The following MTDH variants were observed in gnomAD, a reference collection of about 807,000 sequenced individuals.
MTDH encodes metadherin, also known as protein LYRIC.
In MTDH, 34 loss-of-function variants were observed where a neutral mutation model predicts 72.7. The observed-to-expected ratio is 0.47, with a 90% CI of 0.36 to 0.62. The LOEUF (loss-of-function observed/expected upper bound fraction) is 0.62. Ranked by LOEUF, MTDH falls within the 20% of genes least tolerant of loss-of-function variation. The pLI is 0.00. For missense variants in MTDH, 677 were observed against 699.4 expected (o/e 0.97, Z 0.36); for synonymous variants, 266 against 268.9 (o/e 0.99, Z 0.10).
intron 6 of MTDH, among the ~76,000 whole-genome samples, chr8:97,692,078 G>C (rs972120646): frequency 1.1e-4 from 17 of 152,228 alleles, no homozygotes; most frequent in African/African-American, 4.1e-4. Flanking sequence ...ACGGGGTTTT[G>C]CCATGTTGGC....
At chr8:97,665,712 A>G (rs1812354062) in intron 2 of MTDH, among the ~76,000 whole-genome samples, 1 of 152,234 alleles carries the variant, frequency 6.6e-6, no homozygotes, top group African/African-American at 2.4e-5. Flanking sequence ...ACATATTCAG[A>G]CATAAGGGGA....
intron 2 of MTDH, among the ~76,000 whole-genome samples, chr8:97,667,156 C>A (rs960691618): frequency 1.3e-5 from 2 of 152,114 alleles, no homozygotes; most frequent in Non-Finnish European, 2.9e-5. Flanking sequence ...ATGTGCCCAG[C>A]TAATTTTTTG....
In MTDH at chr8:97,683,045, C is replaced by CTTT. The variant is rs71271144; in HGVS notation, c.484-3588_484-3586dup. ...CTTTACCCTATGATGCTCTTAGACA[C>CTTT]TTTTTTTTTTTTTTTTTTTTTTTTT... is the stretch of plus-strand genomic sequence containing the variant. On this transcript the variant is annotated intron_variant, in intron 2 of 11. Coordinates refer to ENST00000336273, the MANE Select transcript of MTDH (RefSeq NM_178812.4). Among the ~76,000 whole-genome samples the CTTT allele has an allele frequency of 7.7e-4, 34 of 44,386 alleles. 9 individuals carry two copies. Among genetic ancestry groups the CTTT allele is most frequent in the South Asian group, 3.1e-3 (3 of 982 alleles). 29.1% of individuals were successfully genotyped at this position (44,386 alleles called of 152,430 possible). A position where few individuals can be genotyped will look rare whatever the true frequency, so the allele number is the denominator to read the frequency against.
chr8:97,682,678 A>G (rs1813184589), intron 2 of MTDH, among the ~76,000 whole-genome samples: 1 of 152,016 alleles, frequency 6.6e-6, no homozygotes, highest in African/African-American at 2.4e-5. Context: ...TTTTCTACAG[A>G]TTTTTAGTTA....
intron 2 of MTDH, among the ~76,000 whole-genome samples, chr8:97,675,525 A>T (rs1316973575): frequency 7.0e-6 from 1 of 143,762 alleles, no homozygotes; most frequent in African/African-American, 2.6e-5. Flanking sequence ...GTGCCACTGC[A>T]CTCCAGCCTG....
chr8:97,676,828 C>A (rs1011472481), intron 2 of MTDH, among the ~76,000 whole-genome samples: 1 of 151,456 alleles, frequency 6.6e-6, no homozygotes, highest in Non-Finnish European at 1.5e-5. Context: ...ATGGTGAAAC[C>A]CCCTCTCTAC....
chr8:97,718,792 G>A (rs929868291), intron 9 of MTDH, among the ~76,000 whole-genome samples: 2 of 151,666 alleles, frequency 1.3e-5, no homozygotes, highest in South Asian at 2.1e-4. Flanking sequence ...CATCTCTCAG[G>A]CTCAAGTAGT....
chr8:97,666,644 G>T (rs993237207), intron 2 of MTDH, among the ~76,000 whole-genome samples: 1 of 152,190 alleles, frequency 6.6e-6, no homozygotes, highest in Non-Finnish European at 1.5e-5. Flanking sequence ...AGGTAAAACT[G>T]CTGGCTCCTT....
intron 2 of MTDH, among the ~76,000 whole-genome samples, chr8:97,664,563 T>C (rs1332635256): frequency 2.0e-5 from 3 of 152,342 alleles, no homozygotes; most frequent in East Asian, 3.9e-4. Flanking sequence ...TGTTCTGTTT[T>C]TGCCATCCCG....
At chr8:97,695,912 A>G (rs1028677456) in intron 6 of MTDH, among the ~76,000 whole-genome samples, 1 of 152,274 alleles carries the variant, frequency 6.6e-6, no homozygotes. Flanking sequence ...GGAAAAGAGC[A>G]TAGGCTTTGG....
intron 10 of MTDH, among the ~76,000 whole-genome samples, chr8:97,722,609 AG>A (rs1331036733): frequency 6.6e-6 from 1 of 152,220 alleles, no homozygotes; most frequent in East Asian, 1.9e-4. Flanking sequence ...CTCAAAAAAA[AG>A]TTAATGAAAA....
At chr8:97,681,305 A>G (rs1481610508) in intron 2 of MTDH, among the ~76,000 whole-genome samples, 2 of 152,158 alleles carry the variant, frequency 1.3e-5, no homozygotes, top group Non-Finnish European at 2.9e-5. Flanking sequence ...AAATGCTCAT[A>G]TGTATGAATA....
chr8:97,647,422 G>A (rs569006807), intron 1 of MTDH, among the ~76,000 whole-genome samples: 2 of 152,278 alleles, frequency 1.3e-5, no homozygotes, highest in East Asian at 3.9e-4. Context: ...AATTAGCCCA[G>A]TGTGGTGGTG....
chr8:97,669,922 CAA>C (rs61250041), intron 2 of MTDH, among the ~76,000 whole-genome samples: 3 of 119,322 alleles, frequency 2.5e-5, no homozygotes, highest in Admixed American at 8.6e-5. Context: ...GACTCCATCT[CAA>C]AAAAAAAAAA....
chr8:97,689,194 G>C (rs928085508), intron 5 of MTDH, 91 bp downstream of exon 5: 1 of 635,828 alleles, frequency 1.6e-6, no homozygotes, highest in Non-Finnish European at 2.7e-6. Flanking sequence ...GACACAGAAG[G>C]AAAGAAAAAA....
At chr8:97,689,433 A>C (rs1255606762) in intron 5 of MTDH, among the ~76,000 whole-genome samples, 1 of 151,658 alleles carries the variant, frequency 6.6e-6, no homozygotes, top group Non-Finnish European at 1.5e-5. Context: ...AATATAGCAT[A>C]TATCGGATAA....
chr8:97,728,358 C>T lies in MTDH; in HGVS notation c.*3688C>T, dbSNP rs1257455431. 1.3e-5 allele frequency: 2 copies of T among 152,218 alleles called. No individual in the cohort carries two copies. The highest frequency in any genetic ancestry group is 6.5e-5 in the Admixed American group (1 of 15,282). 9.4% of individuals were successfully genotyped at this position (152,218 alleles called of 1,614,324 possible). A position where few individuals can be genotyped will look rare whatever the true frequency, so the allele number is the denominator to read the frequency against. On this transcript the variant is annotated 3_prime_UTR_variant, in exon 12 of 12. Transcript: ENST00000336273. The stretch of plus-strand genomic sequence containing the variant: ...AGACTAAACTTTTTGTTGTTGTTTT[C>T]CTAAAACCATAGGTGCAAGCTTTGC...
At chr8:97,702,166 A>G (rs1038487822) in intron 7 of MTDH, among the ~76,000 whole-genome samples, 4 of 152,242 alleles carry the variant, frequency 2.6e-5, no homozygotes, top group African/African-American at 9.6e-5. Flanking sequence ...TCCAGTTTGA[A>G]GACATACATT....
chr8:97,646,582 G>C (rs1586194144), intron 1 of MTDH, among the ~76,000 whole-genome samples: 1 of 152,168 alleles, frequency 6.6e-6, no homozygotes, highest in South Asian at 2.1e-4. Context: ...AACTTGAGTT[G>C]AGAGAGACAG....
Sources: gnomAD v4.1 joint callset for allele counts (sites outside exome capture counted in the v4.1 genomes callset) on GRCh38, gnomAD v4.1.1 for gene constraint, MANE v1.5 for transcripts, NCBI Gene and HGNC (gene_info 2026-07-23, HGNC 2026-07-21) for gene names.